Variants in OSBPL6 observed in about 807,000 individuals in gnomAD.
OSBPL6 encodes the protein oxysterol binding protein like 6.
Under a neutral mutation model 125.8 loss-of-function variants are expected in OSBPL6, and 49 were observed. The ratio of observed to expected loss-of-function variants is 0.39; its 90% confidence interval spans 0.31 to 0.49. The LOEUF is 0.49. Among genes scored for constraint, OSBPL6 ranks in the 20% least tolerant of loss-of-function variants. The pLI is 0.88. For synonymous variants in OSBPL6, 394 were observed against 391.8 expected (o/e 1.01, Z -0.07); for missense variants, 986 against 1,135.4 (o/e 0.87, Z 1.89).
chr2:178,275,070 A>G (rs2092443419), intron 1 of OSBPL6, among the ~76,000 whole-genome samples: 1 of 152,230 alleles, frequency 6.6e-6, no homozygotes, highest in Non-Finnish European at 1.5e-5. Context: ...AACTCCGATG[A>G]CAATGAAAGA....
intron 3 of OSBPL6, among the ~76,000 whole-genome samples, chr2:178,311,713 G>T (rs911324944): frequency 1.3e-5 from 2 of 152,198 alleles, no homozygotes; most frequent in African/African-American, 4.8e-5. Flanking sequence ...AGGGAGAGAT[G>T]ATATTGTTTG....
intron 1 of OSBPL6, among the ~76,000 whole-genome samples, chr2:178,206,147 G>A (rs547072043): frequency 6.6e-6 from 1 of 152,266 alleles, no homozygotes; most frequent in East Asian, 1.9e-4. Context: ...TGAGAAAGCT[G>A]GCATCTAATT....
rs141584653 is a variant in OSBPL6 at position 178,339,073 on chromosome 2, A to G, written c.873A>G (p.Ala291=). The change falls in exon 10 of 25, where the codon GCA becomes GCG. Residue 291 remains alanine (A), a synonymous_variant. Transcript: ENST00000190611. The part of the protein sequence containing the change: ...NLEILQRTQS[A]PNFTDMQANC... ...AAATACTTCAGAGAACTCAGTCGGC[A>G]CCTAACTTTACTGACATGCAGGTAA... is the stretch of plus-strand genomic sequence containing the variant. The G allele has an allele frequency of 6.2e-7, 1 of 1,607,950 alleles. No individual in the cohort carries two copies. Among genetic ancestry groups the G allele is most frequent in the Non-Finnish European group, 8.5e-7 (1 of 1,175,014 alleles).
At chr2:178,372,803 ACT>A (rs2154106083) in intron 14 of OSBPL6, among the ~76,000 whole-genome samples, 1 of 152,154 alleles carries the variant, frequency 6.6e-6, no homozygotes, top group Non-Finnish European at 1.5e-5. Flanking sequence ...CTCATTTGAC[ACT>A]CTCAACAACG....
At chr2:178,210,950 G>T (rs562494869) in intron 1 of OSBPL6, among the ~76,000 whole-genome samples, 3 of 152,002 alleles carry the variant, frequency 2.0e-5, no homozygotes, top group African/African-American at 4.8e-5. Context: ...TGCTATATTC[G>T]TGTAGGGCAT....
chr2:178,299,573 G>C (rs1425405282), intron 2 of OSBPL6, among the ~76,000 whole-genome samples: 1 of 151,202 alleles, frequency 6.6e-6, no homozygotes, highest in African/African-American at 2.4e-5. Context: ...TTCGCTCCTT[G>C]TGGAGCAAAG....
intron 1 of OSBPL6, among the ~76,000 whole-genome samples, chr2:178,197,470 G>A (rs991789452): frequency 7.9e-5 from 12 of 152,006 alleles, no homozygotes; most frequent in Admixed American, 2.0e-4. Context: ...TAATTCCCCC[G>A]TTATCCAAAG....
intron 1 of OSBPL6, among the ~76,000 whole-genome samples, chr2:178,264,059 G>T (rs2092152696): frequency 6.6e-6 from 1 of 151,978 alleles, no homozygotes; most frequent in Non-Finnish European, 1.5e-5. Flanking sequence ...CCCACAATGG[G>T]GCTGTGATAT....
intron 12 of OSBPL6, among the ~76,000 whole-genome samples, chr2:178,353,089 G>A (rs1691437016): frequency 6.6e-6 from 1 of 152,172 alleles, no homozygotes; most frequent in Non-Finnish European, 1.5e-5. Flanking sequence ...CCCATTTGTA[G>A]GTCACCAACA....
Position 178,242,243 on chromosome 2 carries a change from A to AT in OSBPL6, c.-350-42679dup, listed in dbSNP as rs568878979. 2.3e-3 allele frequency among the ~76,000 whole-genome samples: 352 copies of AT among 152,268 alleles called. 5 individuals are homozygous for AT. The highest frequency in any genetic ancestry group is 0.015 in the South Asian group (73 of 4,820). ...CACTCACAGCTGAACTCTGCCTTTT[A>AT]TTTTTCCCCCTTAACCAATATTATT... On this transcript the variant is annotated intron_variant, in intron 1 of 24. Coordinates refer to ENST00000190611, the MANE Select transcript of OSBPL6 (RefSeq NM_032523.4).
chr2:178,301,927 C>T (rs1241485636), intron 2 of OSBPL6, among the ~76,000 whole-genome samples: 4 of 152,120 alleles, frequency 2.6e-5, no homozygotes, highest in Admixed American at 6.5e-5. Context: ...AGCAGAGAGA[C>T]GGGGCCCTAA....
At chr2:178,387,207 C>T in intron 20 of OSBPL6, 68 bp downstream of exon 20, 3 of 1,258,868 alleles carry the variant, frequency 2.4e-6, no homozygotes, top group Non-Finnish European at 3.4e-6. Context: ...GTATTTTAAA[C>T]TCTAGAAGAT....
At chr2:178,287,420 A>G (rs950566029) in intron 2 of OSBPL6, among the ~76,000 whole-genome samples, 1 of 152,122 alleles carries the variant, frequency 6.6e-6, no homozygotes, top group South Asian at 2.1e-4. Context: ...TGCCTGCATT[A>G]CTTTGCTCCA....
chr2:178,340,355 A>G (rs1008776215), intron 11 of OSBPL6, among the ~76,000 whole-genome samples: 1 of 152,134 alleles, frequency 6.6e-6, no homozygotes, highest in Non-Finnish European at 1.5e-5. Context: ...CTAAAATTCT[A>G]TGATCCTACA....
At chr2:178,206,622 G>T (rs1358018879) in intron 1 of OSBPL6, among the ~76,000 whole-genome samples, 2 of 151,810 alleles carry the variant, frequency 1.3e-5, no homozygotes, top group African/African-American at 2.4e-5. Flanking sequence ...GTTTTGTTTT[G>T]TTTTTGTTTT....
intron 1 of OSBPL6, among the ~76,000 whole-genome samples, chr2:178,283,263 G>A (rs1684391274): frequency 6.6e-6 from 1 of 152,146 alleles, no homozygotes; most frequent in African/African-American, 2.4e-5. Context: ...ACTTAAGGGG[G>A]CAATCATGGC....
intron 1 of OSBPL6, among the ~76,000 whole-genome samples, chr2:178,198,269 A>G (rs190033493): frequency 2.0e-5 from 3 of 152,322 alleles, no homozygotes; most frequent in Admixed American, 1.3e-4. Flanking sequence ...GACTATAATG[A>G]AAAGAAATAT....
chr2:178,355,767 T>C (rs1691722545), intron 12 of OSBPL6, among the ~76,000 whole-genome samples: 2 of 152,224 alleles, frequency 1.3e-5, no homozygotes, highest in South Asian at 2.1e-4. Flanking sequence ...TACCAAAGCC[T>C]GGCAGAGACA....
intron 2 of OSBPL6, among the ~76,000 whole-genome samples, chr2:178,304,427 A>T (rs1686573854): frequency 6.6e-6 from 1 of 152,206 alleles, no homozygotes. Flanking sequence ...AAAGCCCCTT[A>T]CAAAACCATC....
Sources: allele counts gnomAD v4.1 joint callset (sites outside exome capture counted in the v4.1 genomes callset), GRCh38; gene constraint gnomAD v4.1.1; transcripts MANE v1.5; gene names NCBI Gene and HGNC (gene_info 2026-07-23, HGNC 2026-07-21).